MUC5B: variants seen among roughly 807,000 people sequenced by gnomAD.
The protein encoded by MUC5B is mucin-5B.
In MUC5B, 116 loss-of-function variants were observed where a neutral mutation model predicts 376.9. The ratio of observed to expected loss-of-function variants is 0.31; its 90% CI spans 0.26 to 0.36. The LOEUF (loss-of-function observed/expected upper bound fraction) is 0.36. Among genes scored for constraint, MUC5B ranks in the 10% least tolerant of loss-of-function variants. MUC5B has a pLI of 1.00. For missense variants in MUC5B, 7,165 were observed against 7,769.9 expected (o/e 0.92, Z 2.93); for synonymous variants, 3,517 against 3,390.9 (o/e 1.04, Z -1.29).
chr11:1,231,658 A>G (rs1862032129), intron 14 of MUC5B, 98 bp downstream of exon 14: 1 of 1,388,846 alleles, frequency 7.2e-7, no homozygotes, highest in Non-Finnish European at 9.6e-7. Context: ...CGGGCAGGGG[A>G]CCGGGGAGGG....
In MUC5B at chr11:1,256,700, C is replaced by T. The variant is rs182663240; in HGVS notation, c.16166C>T (p.Ala5389Val). The change falls in exon 39 of 49, where the codon GCG (alanine) becomes GTG (valine). Residue 5389 changes from alanine to valine, a missense_variant. Around this residue, in one of 31 missense-constraint regions of MUC5B, gnomAD observed 842 missense variants for 1,016.9 expected, o/e 0.83. Transcript: ENST00000529681. ...RNQSPQLEGMAEGCFCPEDQI... is the reference protein window; with the variant it reads ...RNQSPQLEGMVEGCFCPEDQI... ...CAGAGCCCACAGCTGGAGGGGATGG[C>T]GGAGGGCTGCTTCTGCCCTGAGGAC... 9.7e-4 allele frequency: 1,524 copies of T among 1,568,320 alleles called. 22 individuals carry two copies. In the South Asian group the frequency reaches 0.015, roughly 15 times the overall value.
At chr11:1,230,442 C>T in intron 11 of MUC5B, 48 bp from the exon 12 acceptor site, 1 of 1,500,094 alleles carries the variant, frequency 6.7e-7, no homozygotes, top group Non-Finnish European at 9.0e-7. Context: ...GGGGGGCACC[C>T]CACATCATCG....
rs1254436566 is a variant in MUC5B at position 1,239,016 on chromosome 11, C to T, written c.3443C>T (p.Pro1148Leu). 2.5e-6 allele frequency: 4 copies of T among 1,570,206 alleles called. No individual in the cohort carries two copies. Among genetic ancestry groups the T allele is most frequent in the African/African-American group, 1.4e-5 (1 of 73,962 alleles). ...GGCCTGTGTGTGTCCTGGCGGACTC[C>T]GGACACCTGCCGTGAGTCGGGCTCT... is the stretch of plus-strand genomic sequence containing the variant. ...DAGLCVSWRTPDTCPLFCDFY... is the reference protein window; with the variant it reads ...DAGLCVSWRTLDTCPLFCDFY... The change falls in exon 26 of 49, where the codon CCG becomes CTG. Residue 1148 changes from proline to leucine, a missense_variant. Pro to Leu is a moderately conservative substitution (Grantham distance 98). Transcript: ENST00000529681.
chr11:1,252,293 T>C lies in MUC5B; in HGVS notation c.14864-50T>C, dbSNP rs780871948. The C allele has an allele frequency of 1.5e-5, 23 of 1,503,014 alleles. No individual in the cohort carries two copies. The South Asian group carries it at 3.0e-4, about 20-fold the overall frequency. The allele number at this position is 1,503,014 out of a possible 1,614,324, so 93.1% of individuals were successfully genotyped here. On this transcript the variant is annotated intron_variant, in intron 31 of 48. Coordinates refer to ENST00000529681, the MANE Select transcript of MUC5B (RefSeq NM_002458.3). ...GCCTTTGCTCTCCCAGAACTCTGGCTTACCCATCTCTGGGAGTGGCTTATC... is the reference window on the plus strand; with the variant it reads ...GCCTTTGCTCTCCCAGAACTCTGGCCTACCCATCTCTGGGAGTGGCTTATC...
Position 1,244,454 on chromosome 11 carries a change from T to C in MUC5B, c.7574T>C (p.Leu2525Pro). 1 of 1,606,682 alleles carries C rather than the reference T, an allele frequency of 6.2e-7. No homozygotes were observed. The highest frequency in any genetic ancestry group is 8.5e-7 in the Non-Finnish European group (1 of 1,176,226). Residue 2525 changes from leucine (L) to proline (P), a missense_variant, in exon 31 of 49, where the codon CTG becomes CCG. By Grantham distance (98) the Leu-to-Pro change is moderately conservative. This residue lies in a region of MUC5B where 194 missense variants were observed against 268.5 expected (regional missense o/e 0.72). Transcript: ENST00000529681. ...GGGACTGCAACCGCCCTTCCAGCAC[T>C]GAGAAGCACAGCCACCACACCCACA... ...SPGTATALPA[L>P]RSTATTPTAT... is the part of the protein sequence containing the mutation.
intron 6 of MUC5B, 60 bp from the exon 7 acceptor site, chr11:1,227,615 C>T (rs1248807583): frequency 1.3e-5 from 9 of 700,006 alleles, no homozygotes; most frequent in Non-Finnish European, 2.4e-5. Context: ...GAAGTGGGAG[C>T]CCATATCTTG....
In MUC5B at chr11:1,257,832, C is replaced by A; in HGVS notation, c.16450+122C>A. On this transcript the variant is annotated intron_variant, in intron 41 of 48. Transcript: ENST00000529681. This position sits in a 1 kb window ranked among gnomAD's most constrained non-coding sequence, Gnocchi z 8.9. The stretch of plus-strand genomic sequence containing the variant: ...GAGAGCCACTGTGTCCTGGCGTGAC[C>A]GCGGCAGGACCACTCGGCAGAGATG... 8.3e-7 allele frequency: 1 copy of A among 1,199,544 alleles called. No individual in the cohort carries two copies. Among genetic ancestry groups the A allele is most frequent in the Non-Finnish European group, 1.1e-6 (1 of 879,320 alleles). The allele number at this position is 1,199,544 out of a possible 1,614,324, so 74.3% of individuals were successfully genotyped here.
At chr11:1,260,186 GCTGGGGAGGCCCCACCCCTGC>G (rs1862959686) in intron 46 of MUC5B, 101 bp downstream of exon 46, 1 of 1,402,036 alleles carries the variant, frequency 7.1e-7, no homozygotes, top group Non-Finnish European at 9.7e-7. Context: ...CCCCACCCCT[GCTGGGGAGGCCCCACCCCTGC>G]CTGGGAAGCC....
In MUC5B at chr11:1,242,021, C is replaced by T. The variant is rs1862298270; in HGVS notation, c.5141C>T (p.Pro1714Leu). 8.8e-6 allele frequency: 14 copies of T among 1,586,488 alleles called. No homozygotes were observed. The highest frequency in any genetic ancestry group is 1.2e-5 in the Non-Finnish European group (14 of 1,167,286). ...TTGGGCACATGGCGCCCCTCACAGC[C>T]ACCCACGCTGGCCCCAACAACAATG... ...GSLGTWRPSQ[P>L]PTLAPTTMAT... The change falls in exon 31 of 49, where the codon CCA becomes CTA. Residue 1714 changes from proline (P) to leucine (L), a missense_variant. Physicochemically the swap from Pro to Leu is moderately conservative, Grantham distance 98. Around this residue, in one of 31 missense-constraint regions of MUC5B, gnomAD observed 897 missense variants for 779.6 expected, o/e 1.15. Transcript: ENST00000529681.
chr11:1,223,138 C>T lies in MUC5B; in HGVS notation c.15C>T (p.Ser5=), dbSNP rs754095315. The change falls in exon 1 of 49, where the codon AGC becomes AGT. Residue 5 remains serine (S), a synonymous_variant. Coordinates refer to ENST00000529681, the MANE Select transcript of MUC5B (RefSeq NM_002458.3). The part of the protein sequence containing the change: MGAP[S]ACRTLVLALA... The stretch of plus-strand genomic sequence containing the variant: ...CAGCCCCCAGGATGGGTGCCCCGAG[C>T]GCGTGCCGGACGCTGGTGTTGGCTC... The T allele has an allele frequency of 1.7e-4, 119 of 706,076 alleles. 2 individuals are homozygous for T. The highest frequency in any genetic ancestry group is 1.6e-3 in the South Asian group (111 of 67,428). The allele number at this position is 706,076 out of a possible 1,614,324, so 43.7% of individuals were successfully genotyped here. A position where few individuals can be genotyped will look rare whatever the true frequency, so the allele number is the denominator to read the frequency against.
Position 1,253,947 on chromosome 11 carries a change from T to G in MUC5B, c.15218-145T>G. On this transcript the variant is annotated intron_variant, in intron 33 of 48. Transcript: ENST00000529681. This position sits in a 1 kb window ranked among gnomAD's most constrained non-coding sequence, Gnocchi z 4.3. Reference sequence around the variant, plus strand: ...GACCCCATTCTACACACTGGACCCATTTTTATAGACGAGGCAGCTGAGGCC... The same window carrying G: ...GACCCCATTCTACACACTGGACCCAGTTTTATAGACGAGGCAGCTGAGGCC... 1 of 1,179,670 alleles carries G rather than the reference T, an allele frequency of 8.5e-7. No homozygotes were observed. Among genetic ancestry groups the G allele is most frequent in the South Asian group, 1.5e-5 (1 of 65,462 alleles). 73.1% of individuals were successfully genotyped at this position (1,179,670 alleles called of 1,614,324 possible).
intron 21 of MUC5B, 81 bp from the exon 22 acceptor site, chr11:1,235,004 C>G (rs1478952203): frequency 6.6e-7 from 1 of 1,511,242 alleles, no homozygotes; most frequent in African/African-American, 1.4e-5. Flanking sequence ...CCGTGCTGAC[C>G]TGCACAGGCC....
rs146411576 is a variant in MUC5B, at chr11:1,238,738, G to T, written c.3298-133G>T. The T allele has an allele frequency of 5.6e-4, 560 of 996,642 alleles. 7 individuals carry two copies. The African/African-American group carries it at 8.2e-3, about 15-fold the overall frequency. The allele number at this position is 996,642 out of a possible 1,614,324, so 61.7% of individuals were successfully genotyped here. On this transcript the variant is annotated intron_variant, in intron 25 of 48. Coordinates refer to ENST00000529681, the MANE Select transcript of MUC5B (RefSeq NM_002458.3). ...TGGGGCACGCTCTGAGGTATTCCAG[G>T]CCCCAGGAGCTCAGAGAGCTGCCAT...
chr11:1,232,749 G>T lies in MUC5B; in HGVS notation c.2044G>T (p.Asp682Tyr), dbSNP rs760253341. 2 of 1,596,874 alleles carry T rather than the reference G, an allele frequency of 1.3e-6. No individual in the cohort carries two copies. Among genetic ancestry groups the T allele is most frequent in the South Asian group, 2.2e-5 (2 of 89,374 alleles). ...TGCCGCCAAGGGCGTACAGCTCAGC[G>T]ACTGGAGGGACGGCGTCTGCAGTGA... is the stretch of plus-strand genomic sequence containing the variant. ...ACAAKGVQLS[D>Y]WRDGVCTKYM... Residue 682 changes from aspartate (D) to tyrosine (Y), a missense_variant, in exon 17 of 49, where the codon GAC becomes TAC. This residue lies in a region of MUC5B where 530 missense variants were observed against 604.0 expected (regional missense o/e 0.88). Coordinates refer to ENST00000529681, the MANE Select transcript of MUC5B (RefSeq NM_002458.3).
At position 1,230,568 on chromosome 11, in the gene MUC5B, G is replaced by A. The variant is rs1201636063; in HGVS notation, c.1438G>A (p.Ala480Thr). The A allele has an allele frequency of 6.2e-7, 1 of 1,611,422 alleles. No individual in the cohort carries two copies. Among genetic ancestry groups the A allele is most frequent in the Non-Finnish European group, 8.5e-7 (1 of 1,179,128 alleles). The stretch of plus-strand genomic sequence containing the variant: ...GACGGACAACGAGAACTGCCTGAAA[G>A]CGGTGACGCTCAGCCTGGACGGCGG... ...GLTDNENCLK[A>T]VTLSLDGGDT... The change falls in exon 12 of 49, where the codon GCG becomes ACG. Residue 480 changes from alanine to threonine, a missense_variant. Physicochemically the swap from Ala to Thr is moderately conservative, Grantham distance 58 (BLOSUM62 0). This residue lies in a region of MUC5B where 640 missense variants were observed against 733.0 expected (regional missense o/e 0.87). Transcript: ENST00000529681.
intron 7 of MUC5B, 74 bp downstream of exon 7, chr11:1,227,855 A>G: frequency 3.1e-6 from 2 of 654,766 alleles, no homozygotes; most frequent in Non-Finnish European, 5.7e-6. Context: ...CCGAGGTCTG[A>G]GGAATGTTCC....
Position 1,230,126 on chromosome 11 carries a change from A to C in MUC5B, c.1342A>C (p.Ser448Arg). Residue 448 changes from serine to arginine, a missense_variant, in exon 11 of 49, where the codon AGC (serine) becomes CGC (arginine). Coordinates refer to ENST00000529681, the MANE Select transcript of MUC5B (RefSeq NM_002458.3). ...ACTCTACGACCTGCATGGTGACTGC[A>C]GCTACGTTCTGTCCAAGGTCTGGGC... ...EKLYDLHGDC[S>R]YVLSKKCADS... The C allele has an allele frequency of 6.2e-7, 1 of 1,609,190 alleles. No individual in the cohort carries two copies. The highest frequency in any genetic ancestry group is 8.5e-7 in the Non-Finnish European group (1 of 1,177,924).
chr11:1,231,119 C>T, intron 13 of MUC5B, 114 bp downstream of exon 13: 1 of 1,073,392 alleles, frequency 9.3e-7, no homozygotes. Flanking sequence ...CCTCGGGCAG[C>T]TCCAGGAGCT....
chr11:1,230,399 C>A, intron 11 of MUC5B, 91 bp from the exon 12 acceptor site: 1 of 1,284,736 alleles, frequency 7.8e-7, no homozygotes, highest in Non-Finnish European at 1.1e-6. Flanking sequence ...CACAGAGCCA[C>A]ATCCCCCACA....
Sources: allele counts gnomAD v4.1 joint callset, GRCh38; gene constraint gnomAD v4.1.1; regional missense constraint gnomAD v4.1.1; non-coding constraint Gnocchi (gnomAD v3.1); transcripts MANE v1.5; gene names NCBI Gene and HGNC (gene_info 2026-07-23, HGNC 2026-07-21).